STAG1: variants seen among roughly 807,000 people sequenced by gnomAD.
STAG1 encodes STAG1 cohesin complex component, also known as cohesin subunit SA-1.
STAG1 carries 26 observed loss-of-function variants against 170.9 expected under a neutral mutation model. The observed-to-expected ratio is 0.15, with a 90% CI of 0.11 to 0.21. STAG1 has a LOEUF of 0.21. Among genes scored for constraint, STAG1 ranks in the 10% least tolerant of loss-of-function variants. The pLI is 1.00. For missense variants in STAG1, 964 were observed against 1,509.5 expected (o/e 0.64, Z 5.99); for synonymous variants, 514 against 497.7 (o/e 1.03, Z -0.44).
intron 1 of STAG1, among the ~76,000 whole-genome samples, chr3:136,632,516 G>C (rs1940370585): frequency 6.6e-6 from 1 of 152,100 alleles, no homozygotes; most frequent in Admixed American, 6.6e-5. Context: ...ATTTTGAAGA[G>C]ATTCCCAGCT....
chr3:136,535,177 G>C (rs964885961), intron 6 of STAG1, among the ~76,000 whole-genome samples: 4 of 152,196 alleles, frequency 2.6e-5, no homozygotes, highest in Non-Finnish European at 5.9e-5. Flanking sequence ...TTATCTGTGA[G>C]CTAAAAAACC....
intron 5 of STAG1, among the ~76,000 whole-genome samples, chr3:136,554,479 C>T (rs1387430011): frequency 6.6e-6 from 1 of 152,146 alleles, no homozygotes; most frequent in Non-Finnish European, 1.5e-5. Context: ...CAAAAGCTGA[C>T]CATACAACCT....
chr3:136,547,803 A>C (rs1936220256), intron 5 of STAG1, among the ~76,000 whole-genome samples: 1 of 152,160 alleles, frequency 6.6e-6, no homozygotes, highest in African/African-American at 2.4e-5. Flanking sequence ...AATGTCATGA[A>C]GCTCTTTTCT....
intron 7 of STAG1, among the ~76,000 whole-genome samples, chr3:136,514,333 G>A (rs187940545): frequency 1.5e-4 from 23 of 152,120 alleles, no homozygotes; most frequent in Admixed American, 7.2e-4. Context: ...ACTGGTCATC[G>A]GAGAAATGCA....
At chr3:136,625,057 A>G (rs1426790096) in intron 2 of STAG1, among the ~76,000 whole-genome samples, 2 of 152,206 alleles carry the variant, frequency 1.3e-5, no homozygotes, top group East Asian at 3.8e-4. Context: ...TTAATATTTA[A>G]CTCTCACAGG....
chr3:136,538,690 G>T (rs948931562), intron 6 of STAG1, among the ~76,000 whole-genome samples: 1 of 152,086 alleles, frequency 6.6e-6, no homozygotes, highest in South Asian at 2.1e-4. Flanking sequence ...AAAGTGCTGG[G>T]ATTACAGGCG....
chr3:136,573,486 T>C (rs1312218919), intron 4 of STAG1, among the ~76,000 whole-genome samples: 11 of 151,858 alleles, frequency 7.2e-5, no homozygotes, highest in Middle Eastern at 3.4e-3. Context: ...TCAAAAACAA[T>C]GCAAACCCAT....
chr3:136,653,966 T>C (rs1464220194), intron 1 of STAG1, among the ~76,000 whole-genome samples: 1 of 152,024 alleles, frequency 6.6e-6, no homozygotes, highest in Non-Finnish European at 1.5e-5. Flanking sequence ...CTAAGCAAAC[T>C]AGCAACATAA....
intron 9 of STAG1, among the ~76,000 whole-genome samples, chr3:136,487,018 A>C (rs954335833): frequency 2.0e-5 from 3 of 149,246 alleles, no homozygotes; most frequent in Non-Finnish European, 4.5e-5. Context: ...AAAAAAAAAA[A>C]AAAAAAAAAA....
chr3:136,716,750 A>G (rs2107925090), intron 1 of STAG1, among the ~76,000 whole-genome samples: 1 of 152,364 alleles, frequency 6.6e-6, no homozygotes, highest in East Asian at 1.9e-4. Flanking sequence ...GAGAGCAAAA[A>G]CAACTGCATT....
intron 3 of STAG1, among the ~76,000 whole-genome samples, chr3:136,607,479 T>C (rs1939019490): frequency 6.6e-6 from 1 of 152,162 alleles, no homozygotes; most frequent in South Asian, 2.1e-4. Context: ...CTTTGCTCAC[T>C]GCAACCTCTG....
chr3:136,577,958 C>A (rs1368276691), intron 4 of STAG1, among the ~76,000 whole-genome samples: 1 of 152,142 alleles, frequency 6.6e-6, no homozygotes, highest in African/African-American at 2.4e-5. Context: ...AGCTGAGATA[C>A]CAGAGCCTCC....
chr3:136,498,259 C>CATACATATACAT (rs1933252751), intron 9 of STAG1, among the ~76,000 whole-genome samples: 2 of 88,790 alleles, frequency 2.3e-5, no homozygotes, highest in Non-Finnish European at 4.3e-5. Flanking sequence ...TACACACACA[C>CATACATATACAT]ACACACACAC....
chr3:136,381,309 A>G (rs1183547171), intron 22 of STAG1, among the ~76,000 whole-genome samples: 1 of 152,226 alleles, frequency 6.6e-6, no homozygotes, highest in Non-Finnish European at 1.5e-5. Flanking sequence ...CAATATTTGA[A>G]AGATGAATGA....
At chr3:136,666,777 G>A (rs893640704) in intron 1 of STAG1, among the ~76,000 whole-genome samples, 3 of 150,542 alleles carry the variant, frequency 2.0e-5, no homozygotes, top group African/African-American at 7.3e-5. Context: ...CCGAGATCAC[G>A]CCATTGCACT....
At chr3:136,750,413 C>A (rs1339449098) in intron 1 of STAG1, among the ~76,000 whole-genome samples, 4 of 152,218 alleles carry the variant, frequency 2.6e-5, no homozygotes, top group African/African-American at 9.6e-5. Context: ...GGACCCACTC[C>A]TTCTCCCCTA....
chr3:136,475,851 C>G (rs1385763553), intron 10 of STAG1, among the ~76,000 whole-genome samples: 1 of 152,108 alleles, frequency 6.6e-6, no homozygotes, highest in Non-Finnish European at 1.5e-5. Context: ...TGTTTCATCA[C>G]CAGTTCAAAG....
At chr3:136,455,799 A>C (rs2089094581) in intron 13 of STAG1, among the ~76,000 whole-genome samples, 1 of 152,246 alleles carries the variant, frequency 6.6e-6, no homozygotes, top group East Asian at 1.9e-4. Context: ...CTAAAAGGTC[A>C]GGATTAAGTT....
chr3:136,369,997 T>C (rs1281195790), intron 23 of STAG1, among the ~76,000 whole-genome samples: 2 of 152,182 alleles, frequency 1.3e-5, no homozygotes, highest in African/African-American at 2.4e-5. Context: ...AACTTGTGTA[T>C]AGAACCTAAT....
Sources: allele counts gnomAD v4.1 joint callset (sites outside exome capture counted in the v4.1 genomes callset), GRCh38; gene constraint gnomAD v4.1.1; transcripts MANE v1.5; gene names NCBI Gene and HGNC (gene_info 2026-07-23, HGNC 2026-07-21).